The following MAGI2 variants were observed in gnomAD, a reference collection of about 807,000 sequenced individuals.
The protein encoded by MAGI2 is membrane-associated guanylate kinase, WW and PDZ domain-containing protein 2.
A neutral mutation model predicts 133.3 loss-of-function variants in MAGI2; 35 were observed. That is an observed-to-expected ratio of 0.26 (90% CI 0.20 to 0.35). The LOEUF (loss-of-function observed/expected upper bound fraction) is 0.35. Among genes scored for constraint, MAGI2 ranks in the 10% least tolerant of loss-of-function variants. MAGI2 has a pLI of 1.00. For synonymous variants in MAGI2, 729 were observed against 710.6 expected (o/e 1.03, Z -0.41); for missense variants, 1,636 against 1,863.4 (o/e 0.88, Z 2.25).
intron 1 of MAGI2, among the ~76,000 whole-genome samples, chr7:79,193,937 T>C (rs1004569362): frequency 1.3e-5 from 2 of 151,924 alleles, no homozygotes; most frequent in Non-Finnish European, 2.9e-5. Context: ...TACTCCTTAA[T>C]TGATCACATA....
intron 1 of MAGI2, among the ~76,000 whole-genome samples, chr7:79,046,912 T>C (rs1329947627): frequency 6.6e-6 from 1 of 152,232 alleles, no homozygotes; most frequent in Non-Finnish European, 1.5e-5. Flanking sequence ...TATCCAATTA[T>C]GTGTTTCATG....
chr7:79,278,129 A>G (rs1279646889), intron 1 of MAGI2, among the ~76,000 whole-genome samples: 2 of 152,082 alleles, frequency 1.3e-5, no homozygotes, highest in East Asian at 1.9e-4. Flanking sequence ...ACTTTGCACC[A>G]TCTCCTTGGT....
intron 2 of MAGI2, among the ~76,000 whole-genome samples, chr7:78,816,251 G>A (rs1185605040): frequency 6.6e-6 from 1 of 152,188 alleles, no homozygotes; most frequent in Non-Finnish European, 1.5e-5. Context: ...TTGCAGAAAA[G>A]TGTGAAGCTA....
At chr7:78,609,475 G>A (rs578256895) in intron 3 of MAGI2, among the ~76,000 whole-genome samples, 15 of 152,240 alleles carry the variant, frequency 9.9e-5, no homozygotes, top group Admixed American at 7.2e-4. Context: ...CTTATGTCAC[G>A]TGATGAAGGA....
At chr7:78,687,099 T>G (rs992791548) in intron 2 of MAGI2, among the ~76,000 whole-genome samples, 2 of 152,214 alleles carry the variant, frequency 1.3e-5, no homozygotes, top group African/African-American at 4.8e-5. Context: ...CCCACACCTT[T>G]GTAGGTGAGA....
chr7:79,002,910 GTT>G (rs772869062), intron 2 of MAGI2, among the ~76,000 whole-genome samples: 2 of 129,282 alleles, frequency 1.5e-5, no homozygotes, highest in African/African-American at 2.8e-5. Context: ...TTGTTTGCTT[GTT>G]TTTTTTTTTT....
chr7:78,145,541 G>A (rs975456762), intron 16 of MAGI2, among the ~76,000 whole-genome samples: 1 of 152,080 alleles, frequency 6.6e-6, no homozygotes, highest in African/African-American at 2.4e-5. Flanking sequence ...TAGGTCATAA[G>A]GATTACGCCC....
chr7:78,962,049 T>C (rs1315883364), intron 2 of MAGI2, among the ~76,000 whole-genome samples: 1 of 152,074 alleles, frequency 6.6e-6, no homozygotes, highest in Non-Finnish European at 1.5e-5. Flanking sequence ...AAAAATATGA[T>C]ATTATTATAT....
rs1477464611 is a variant in MAGI2, at chr7:78,649,246, GA to G, written c.419-22008del. 2.8e-3 allele frequency among the ~76,000 whole-genome samples: 187 copies of G among 67,704 alleles called. 2 individuals carry two copies. The highest frequency in any genetic ancestry group is 0.011 in the African/African-American group (169 of 15,906). The allele number at this position is 67,704 out of a possible 152,430, so 44.4% of individuals were successfully genotyped here. ...GTAAAAAAAAAAAAAGAAAAAAAAA[GA>G]AAAAAAGTAATGACACTTTTTAAAA... On this transcript the variant is annotated intron_variant, in intron 2 of 21. Transcript: ENST00000354212.
chr7:79,353,465 C>G (rs1055560157), intron 1 of MAGI2: 5 of 456,024 alleles, frequency 1.1e-5, no homozygotes, highest in African/African-American at 1.0e-4. Context: ...CAGGACAATC[C>G]TGAACTGGCA....
chr7:79,124,833 T>C (rs961791155), intron 1 of MAGI2: 31 of 178,790 alleles, frequency 1.7e-4, no homozygotes, highest in Middle Eastern at 2.7e-3. Flanking sequence ...AGGATCCATT[T>C]TGAGCAATGG....
intron 1 of MAGI2, among the ~76,000 whole-genome samples, chr7:79,435,404 A>G (rs1311536793): frequency 6.6e-6 from 1 of 152,214 alleles, no homozygotes; most frequent in African/African-American, 2.4e-5. Flanking sequence ...TTGGCAAATC[A>G]TTGTTATATA....
At chr7:78,076,512 G>C (rs1379818665) in intron 21 of MAGI2, among the ~76,000 whole-genome samples, 1 of 148,976 alleles carries the variant, frequency 6.7e-6, no homozygotes, top group East Asian at 2.0e-4. Context: ...GTTAATTTGA[G>C]AATTTCACTG....
intron 2 of MAGI2, among the ~76,000 whole-genome samples, chr7:78,687,564 C>A (rs12668963): frequency 0.52 from 78,476 of 151,982 alleles, 20,443 homozygotes; most frequent in Middle Eastern, 0.57. Flanking sequence ...ATGTGTAGCA[C>A]AGAAATGTTG....
chr7:78,224,405 C>T (rs1789147846), intron 10 of MAGI2, among the ~76,000 whole-genome samples: 1 of 152,114 alleles, frequency 6.6e-6, no homozygotes, highest in African/African-American at 2.4e-5. Flanking sequence ...GTGGCTCATG[C>T]CTATAATCCC....
chr7:78,595,166 A>G (rs1047921624), intron 3 of MAGI2, among the ~76,000 whole-genome samples: 3 of 152,104 alleles, frequency 2.0e-5, no homozygotes, highest in African/African-American at 7.2e-5. Flanking sequence ...CCAGAACACT[A>G]TGTTTTGCTA....
At chr7:79,143,404 C>A (rs1822315584) in intron 1 of MAGI2, among the ~76,000 whole-genome samples, 1 of 152,194 alleles carries the variant, frequency 6.6e-6, no homozygotes, top group African/African-American at 2.4e-5. Context: ...GTTGTAACAT[C>A]TGTTAAGCTA....
chr7:78,461,393 C>CGCGTGTGTGTGTGTGTGT (rs1789983398), intron 6 of MAGI2, among the ~76,000 whole-genome samples: 1 of 138,018 alleles, frequency 7.2e-6, no homozygotes, highest in African/African-American at 2.6e-5. Flanking sequence ...CGTGTGTGTG[C>CGCGTGTGTGTGTGTGTGT]GTGTGTGTGT....
At chr7:78,574,837 G>C (rs770688598) in intron 3 of MAGI2, among the ~76,000 whole-genome samples, 1 of 152,138 alleles carries the variant, frequency 6.6e-6, no homozygotes, top group Non-Finnish European at 1.5e-5. Context: ...AGGTGATGAC[G>C]GTGAATAACT....
Sources: allele counts gnomAD v4.1 joint callset (sites outside exome capture counted in the v4.1 genomes callset), GRCh38; gene constraint gnomAD v4.1.1; transcripts MANE v1.5; gene names NCBI Gene and HGNC (gene_info 2026-07-23, HGNC 2026-07-21).